CDH11: variants seen among roughly 807,000 people sequenced by gnomAD.
The protein encoded by CDH11 is cadherin 11.
Under a neutral mutation model 67.8 loss-of-function variants are expected in CDH11, and 11 were observed. The observed-to-expected ratio is 0.16, with a 90% CI of 0.10 to 0.27. The LOEUF (loss-of-function observed/expected upper bound fraction) is 0.27, where lower values mean the gene tolerates loss of function less well. Among genes scored for constraint, CDH11 ranks in the 10% least tolerant of loss-of-function variants. The pLI, the probability that CDH11 is intolerant of heterozygous loss-of-function variation, is 1.00. For missense variants in CDH11, 847 were observed against 1,031.2 expected, an observed-to-expected ratio of 0.82 and a Z score of 2.45; for synonymous variants, 419 against 400.0, an observed-to-expected ratio of 1.05 and a Z score of -0.57.
chr16:65,088,182 G>A (rs371254508), intron 1 of CDH11, among the ~76,000 whole-genome samples: 7 of 152,118 alleles, frequency 4.6e-5, no homozygotes, highest in African/African-American at 1.2e-4. Context: ...AGAAGGTGCC[G>A]TCTATTTGGA....
intron 8 of CDH11, among the ~76,000 whole-genome samples, chr16:64,976,201 C>T (rs930399645): frequency 3.3e-5 from 5 of 152,082 alleles, no homozygotes; most frequent in Non-Finnish European, 5.9e-5. Flanking sequence ...AGGTCAATTA[C>T]GGCTTGGGTA....
intron 4 of CDH11, 122 bp downstream of exon 4, chr16:64,998,440 T>C (rs765798609): frequency 1.1e-6 from 1 of 928,504 alleles, no homozygotes; most frequent in Non-Finnish European, 1.6e-6. Flanking sequence ...GTTCCTTTTG[T>C]TATTTTGCCA....
chr16:64,957,600 GCACACACACACA>G (rs66508762), intron 11 of CDH11, among the ~76,000 whole-genome samples: 1 of 145,024 alleles, frequency 6.9e-6, no homozygotes, highest in Admixed American at 6.9e-5. Context: ...ACATGCCCGT[GCACACACACACA>G]CACACACACA....
At chr16:65,070,137 T>C (rs2074391411) in intron 1 of CDH11, among the ~76,000 whole-genome samples, 1 of 152,164 alleles carries the variant, frequency 6.6e-6, no homozygotes, top group African/African-American at 2.4e-5. Flanking sequence ...ACTTTCCCCA[T>C]CTGAACAATC....
chr16:64,998,860 GAAGA>G lies in CDH11; in HGVS notation c.229-8_229-5del, dbSNP rs747712481. ...CAGAGTCAATATCTGAATGAAGCTGGAAGAAAGAGAAATTGAGATTTTTAATTCC... is the reference window on the plus strand; with the variant it reads ...CAGAGTCAATATCTGAATGAAGCTGGAAGAGAAATTGAGATTTTTAATTCC... On this transcript the variant is annotated splice_region_variant and splice_polypyrimidine_tract_variant and intron_variant, in intron 3 of 12. Transcript: ENST00000268603. The G allele has an allele frequency of 1.2e-6, 2 of 1,610,944 alleles. No homozygotes were observed. The highest frequency in any genetic ancestry group is 1.1e-5 in the South Asian group (1 of 91,012).
intron 1 of CDH11, among the ~76,000 whole-genome samples, chr16:65,112,017 C>G (rs2075167195): frequency 6.7e-6 from 1 of 148,400 alleles, no homozygotes; most frequent in South Asian, 2.1e-4. Context: ...TTGCAATGAG[C>G]CAAGATTGCG....
intron 2 of CDH11, among the ~76,000 whole-genome samples, chr16:65,029,593 G>A (rs1429775082): frequency 6.6e-6 from 1 of 152,128 alleles, no homozygotes; most frequent in East Asian, 1.9e-4. Context: ...GAAGAATGGT[G>A]GCAATTCTTT....
At chr16:65,046,384 A>T (rs991070015) in intron 2 of CDH11, among the ~76,000 whole-genome samples, 1 of 152,208 alleles carries the variant, frequency 6.6e-6, no homozygotes, top group Non-Finnish European at 1.5e-5. Context: ...CCTTTCCCAA[A>T]GATCAAGTGG....
intron 3 of CDH11, among the ~76,000 whole-genome samples, chr16:65,000,867 C>T (rs1157704070): frequency 4.6e-5 from 7 of 151,128 alleles, no homozygotes; most frequent in Non-Finnish European, 7.4e-5. Flanking sequence ...ATTATCAATG[C>T]CATTTAATAT....
chr16:64,950,701 A>G (rs2071335263), intron 12 of CDH11, 66 bp downstream of exon 12: 13 of 1,556,192 alleles, frequency 8.4e-6, no homozygotes, highest in African/African-American at 1.4e-5. Context: ...TTTGAGAAGC[A>G]TGTGTTTCAA....
intron 4 of CDH11, among the ~76,000 whole-genome samples, chr16:64,997,088 C>T (rs965925645): frequency 2.6e-5 from 4 of 151,802 alleles, no homozygotes; most frequent in Non-Finnish European, 5.9e-5. Context: ...CACTTGAGGT[C>T]AGGAGTTCAA....
chr16:65,116,534 A>G (rs1428171679), intron 1 of CDH11, among the ~76,000 whole-genome samples: 1 of 152,166 alleles, frequency 6.6e-6, no homozygotes, highest in Non-Finnish European at 1.5e-5. Context: ...TCTGGCAAAT[A>G]AGGGGTGTGG....
At chr16:65,010,668 A>G (rs1263732143) in intron 2 of CDH11, among the ~76,000 whole-genome samples, 2 of 152,110 alleles carry the variant, frequency 1.3e-5, no homozygotes, top group Non-Finnish European at 2.9e-5. Context: ...GCGCTCTGCA[A>G]AGGTGAGTGG....
At chr16:65,075,766 G>T (rs1336977707) in intron 1 of CDH11, among the ~76,000 whole-genome samples, 1 of 152,152 alleles carries the variant, frequency 6.6e-6, no homozygotes, top group Non-Finnish European at 1.5e-5. Flanking sequence ...ATGTGGTATT[G>T]GATACACCAA....
In CDH11 at chr16:65,121,869, G is replaced by A. The variant is rs146530985; in HGVS notation, c.-298+11C>T. On this transcript the variant is annotated intron_variant, in intron 1 of 12. Coordinates refer to ENST00000268603, the MANE Select transcript of CDH11 (RefSeq NM_001797.4). The surrounding 1 kb of genome is among the most constrained non-coding windows in gnomAD (Gnocchi z 4.1). ...ACCAGGCGAGAGGAAGGGACTGGCG[G>A]CGCACCTCACCTGGGGCCCTTGAGG... is the stretch of plus-strand genomic sequence containing the variant. The A allele has an allele frequency of 0.013, 8,987 of 701,976 alleles. 83 individuals are homozygous for A. Among genetic ancestry groups the A allele is most frequent in the Non-Finnish European group, 0.018 (6,908 of 384,628 alleles). 43.5% of individuals were successfully genotyped at this position (701,976 alleles called of 1,614,324 possible).
chr16:64,988,543 G>T (rs1455867791), intron 6 of CDH11, among the ~76,000 whole-genome samples, 199 bp from the exon 7 acceptor site: 2 of 152,172 alleles, frequency 1.3e-5, no homozygotes, highest in African/African-American at 4.8e-5. Flanking sequence ...TCTACGAAGG[G>T]TGATAAAACA....
At chr16:64,965,506 CA>C (rs1372711877) in intron 11 of CDH11, among the ~76,000 whole-genome samples, 7 of 152,262 alleles carry the variant, frequency 4.6e-5, no homozygotes, top group African/African-American at 1.7e-4. Context: ...TAGGGTTTTT[CA>C]GGGGTAGTAA....
Position 65,023,452 on chromosome 16 carries a change from G to A in CDH11, c.-172-18411C>T, listed in dbSNP as rs151168348. ...CCAAAATTGAGGTTCAGCCCGGGAA[G>A]CCACCTGGGTTCTTGGCTTCTTGTA... On this transcript the variant is annotated intron_variant, in intron 2 of 12. Transcript: ENST00000268603. Among the ~76,000 whole-genome samples, 106 of 152,290 alleles carry A rather than the reference G, an allele frequency of 7.0e-4. 1 individual carries two copies. The highest frequency in any genetic ancestry group is 2.1e-3 in the African/African-American group (88 of 41,558).
In CDH11 at chr16:64,957,598, G is replaced by A. The variant is rs1332057525; in HGVS notation, c.1643-6580C>T. Among the ~76,000 whole-genome samples, 9 of 58,816 alleles carry A rather than the reference G, an allele frequency of 1.5e-4. No homozygotes were observed. The South Asian group carries it at 2.4e-3, about 16-fold the overall frequency. 38.6% of individuals were successfully genotyped at this position (58,816 alleles called of 152,430 possible). A position where few individuals can be genotyped will look rare whatever the true frequency, so the allele number is the denominator to read the frequency against. ...AATATTTCTGTGCCCACACATGCCC[G>A]TGCACACACACACACACACACACAC... is the stretch of plus-strand genomic sequence containing the variant. On this transcript the variant is annotated intron_variant, in intron 11 of 12. Coordinates refer to ENST00000268603, the MANE Select transcript of CDH11 (RefSeq NM_001797.4).
Sources: allele counts gnomAD v4.1 joint callset (sites outside exome capture counted in the v4.1 genomes callset), GRCh38; gene constraint gnomAD v4.1.1; non-coding constraint Gnocchi (gnomAD v3.1); transcripts MANE v1.5; gene names NCBI Gene and HGNC (gene_info 2026-07-23, HGNC 2026-07-21).